PLCB3: variants seen among roughly 807,000 people sequenced by gnomAD.
The protein encoded by PLCB3 is 1-phosphatidylinositol 4,5-bisphosphate phosphodiesterase beta-3.
In PLCB3, 54 loss-of-function variants were observed where a neutral mutation model predicts 152.1. The observed-to-expected ratio is 0.36, with a 90% confidence interval of 0.29 to 0.45. PLCB3 has a LOEUF of 0.45. Ranked by LOEUF, PLCB3 falls within the 20% of genes least tolerant of loss-of-function variation. PLCB3 has a pLI of 1.00. For synonymous variants in PLCB3, 717 were observed against 698.7 expected (o/e 1.03, Z -0.41); for missense variants, 1,248 against 1,687.5 (o/e 0.74, Z 4.56).
At chr11:64,265,582 G>T in intron 25 of PLCB3, 80 bp downstream of exon 25, 1 of 1,488,806 alleles carries the variant, frequency 6.7e-7, no homozygotes, top group South Asian at 1.3e-5. Context: ...ATGGAGAGAT[G>T]GCAAGAGCTG....
rs747174251 is a variant in PLCB3, at chr11:64,256,469, C to G, written c.792C>G (p.Tyr264Ter). ...ACCCGAGACTCAACGAAGTGCTGTA[C>G]CCGCCCCTGCGGCCCTCCCAGGCCC... Reference protein sequence around the residue: ...QRDPRLNEVLYPPLRPSQARL... With the variant: ...QRDPRLNEVL The change falls in exon 9 of 31, where the codon TAC becomes TAG. Residue 264 changes from tyrosine (Y) to a stop codon, truncating the protein, a stop_gained. Transcript: ENST00000279230. LOFTEE classifies it high-confidence loss of function. 3.1e-6 allele frequency: 5 copies of G among 1,613,808 alleles called. No homozygotes were observed. The highest frequency in any genetic ancestry group is 4.2e-6 in the Non-Finnish European group (5 of 1,179,996).
chr11:64,266,198 G>C lies in PLCB3; in HGVS notation c.3262G>C (p.Glu1088Gln), dbSNP rs367729670. ...TQFKRLKEMN[E>Q]REKKELQKIL... is the part of the protein sequence containing the mutation. ...GTTCAAGAGGCTGAAAGAGATGAAC[G>C]AGAGGTGAAAGCCGAGGATTGTCTA... The change falls in exon 27 of 31, where the codon GAG (glutamate) becomes CAG (glutamine). Residue 1088 changes from glutamate to glutamine, a missense_variant. Glu to Gln is a conservative substitution (Grantham distance 29). Around this residue, in one of 6 missense-constraint regions of PLCB3, gnomAD observed 477 missense variants for 489.6 expected, o/e 0.97. Coordinates refer to ENST00000279230, the MANE Select transcript of PLCB3 (RefSeq NM_000932.5). This position sits in a 1 kb window ranked among gnomAD's most constrained non-coding sequence, Gnocchi z 4.9. The C allele has an allele frequency of 6.2e-7, 1 of 1,614,100 alleles. No individual in the cohort carries two copies. The highest frequency in any genetic ancestry group is 1.1e-5 in the South Asian group (1 of 91,074).
intron 1 of PLCB3, 143 bp downstream of exon 1, chr11:64,251,891 C>T: frequency 2.2e-6 from 1 of 447,992 alleles, no homozygotes. Context: ...AAACTTAAGT[C>T]CCCGATCGTC....
Position 64,259,089 on chromosome 11 carries a change from A to G in PLCB3, c.1370A>G (p.Gln457Arg), listed in dbSNP as rs777068333. ...CCAGGCGTTCCCCTGCCCAGCCCCC[A>G]GGACCTGATGGGCCGTATCCTGGTG... is the stretch of plus-strand genomic sequence containing the variant. ...LAPGVPLPSP[Q>R]DLMGRILVKN... Residue 457 changes from glutamine (Q) to arginine (R), a missense_variant, in exon 13 of 31, where the codon CAG becomes CGG. By Grantham distance (43) the Gln-to-Arg change is conservative. Around this residue, in one of 6 missense-constraint regions of PLCB3, gnomAD observed 122 missense variants for 221.8 expected, o/e 0.55. Coordinates refer to ENST00000279230, the MANE Select transcript of PLCB3 (RefSeq NM_000932.5). The G allele has an allele frequency of 1.9e-6, 3 of 1,612,336 alleles. No individual in the cohort carries two copies. Among genetic ancestry groups the G allele is most frequent in the Non-Finnish European group, 2.5e-6 (3 of 1,179,440 alleles).
Position 64,257,016 on chromosome 11 carries a change from T to TTTTTTTTTTTTTTTTTTTTC in PLCB3, c.1012+257_1012+258insTTTTTTTTTTTTTTCTTTTT, listed in dbSNP as rs771872374. ...AGGGTCCTTTTTTTTTTTTTTTTTTTTTTTTGAGACAGAGTTTCGCTCTTG... is the reference window on the plus strand; with the variant it reads ...AGGGTCCTTTTTTTTTTTTTTTTTTTTTTTTTTTTTTTTTTTTTTCTTTTTGAGACAGAGTTTCGCTCTTG... On this transcript the variant is annotated intron_variant, in intron 10 of 30. Transcript: ENST00000279230. Among the ~76,000 whole-genome samples, 391 of 120,598 alleles carry TTTTTTTTTTTTTTTTTTTTC rather than the reference T, an allele frequency of 3.2e-3. 11 individuals carry two copies. Among genetic ancestry groups the TTTTTTTTTTTTTTTTTTTTC allele is most frequent in the Non-Finnish European group, 4.5e-3 (255 of 57,058 alleles). The allele number at this position is 120,598 out of a possible 152,430, so 79.1% of individuals were successfully genotyped here.
chr11:64,254,536 T>TG (rs2031413261), intron 2 of PLCB3, 44 bp downstream of exon 2: 1 of 1,576,926 alleles, frequency 6.3e-7, no homozygotes, highest in African/African-American at 1.3e-5. Flanking sequence ...CAAGGACCCC[T>TG]GTCCCAGACC....
chr11:64,257,352 T>C (rs910686593), intron 10 of PLCB3, among the ~76,000 whole-genome samples: 2 of 152,100 alleles, frequency 1.3e-5, no homozygotes, highest in Non-Finnish European at 2.9e-5. Flanking sequence ...CGGTGACTCA[T>C]GCCTGTAATC....
In PLCB3 at chr11:64,254,827, A is replaced by G; in HGVS notation, c.246+11A>G. On this transcript the variant is annotated intron_variant, in intron 3 of 30. Coordinates refer to ENST00000279230, the MANE Select transcript of PLCB3 (RefSeq NM_000932.5). ...GCCCGCCTGCCCAAGGTGAGTGATG[A>G]GCCTGGGAGTGAAGACCACAGCGAG... The G allele has an allele frequency of 6.2e-7, 1 of 1,613,854 alleles. No homozygotes were observed. The highest frequency in any genetic ancestry group is 8.5e-7 in the Non-Finnish European group (1 of 1,179,972).
Position 64,252,646 on chromosome 11 carries a change from G to C in PLCB3, c.99+898G>C, listed in dbSNP as rs1334199140. On this transcript the variant is annotated intron_variant, in intron 1 of 30. Transcript: ENST00000279230. ...GGCGTGGGAGCTGGGGGGAGGAGAT[G>C]GGGGCGTGGCCTGAAGCGGCAGGTG... Among the ~76,000 whole-genome samples, 5 of 152,314 alleles carry C rather than the reference G, an allele frequency of 3.3e-5. No individual in the cohort carries two copies. The East Asian group carries it at 9.7e-4, about 29-fold the overall frequency.
chr11:64,256,493 C>G lies in PLCB3; in HGVS notation c.816C>G (p.Ala272=), dbSNP rs940746149. ...ACCCGCCCCTGCGGCCCTCCCAGGCCCGGCTGCTCATCGAAAAGTATGAGC... is the reference window on the plus strand; with the variant it reads ...ACCCGCCCCTGCGGCCCTCCCAGGCGCGGCTGCTCATCGAAAAGTATGAGC... The part of the protein sequence containing the change: ...VLYPPLRPSQ[A]RLLIEKYEPN... Residue 272 remains alanine (A), a synonymous_variant, in exon 9 of 31, where the codon GCC becomes GCG. Transcript: ENST00000279230. The G allele has an allele frequency of 6.2e-7, 1 of 1,613,758 alleles. No homozygotes were observed. The highest frequency in any genetic ancestry group is 8.5e-7 in the Non-Finnish European group (1 of 1,180,016).
At chr11:64,252,534 C>T (rs1481144578) in intron 1 of PLCB3, among the ~76,000 whole-genome samples, 2 of 152,250 alleles carry the variant, frequency 1.3e-5, no homozygotes, top group Non-Finnish European at 1.5e-5. Flanking sequence ...ACCCGGCCGG[C>T]CTGAGCTTCC....
chr11:64,264,077 G>T lies in PLCB3; in HGVS notation c.2617G>T (p.Ala873Ser). 1 of 1,558,196 alleles carries T rather than the reference G, an allele frequency of 6.4e-7. No homozygotes were observed. Among genetic ancestry groups the T allele is most frequent in the Non-Finnish European group, 8.7e-7 (1 of 1,153,424 alleles). ...GCACGTCAGCCTGATGGACCAGAGG[G>T]CCCGGCAGCTGGCCGCCCTCATTGG... Reference protein sequence around the residue: ...IKHVSLMDQRARQLAALIGES... With the variant: ...IKHVSLMDQRSRQLAALIGES... Residue 873 changes from alanine to serine, a missense_variant, in exon 22 of 31, where the codon GCC (alanine) becomes TCC (serine). Physicochemically the swap from Ala to Ser is moderately conservative, Grantham distance 99. This residue lies in a region of PLCB3 where 477 missense variants were observed against 489.6 expected (regional missense o/e 0.97). Transcript: ENST00000279230.
Position 64,255,636 on chromosome 11 carries a change from G to A in PLCB3, c.597+20G>A. 6.3e-7 allele frequency: 1 copy of A among 1,583,266 alleles called. No individual in the cohort carries two copies. The highest frequency in any genetic ancestry group is 8.7e-7 in the Non-Finnish European group (1 of 1,153,660). ...AACCGGGTGTGTGGGGTGGGGACAGGGGCGGGGTGGGGTGTCACGGTGGGC... is the reference window on the plus strand; with the variant it reads ...AACCGGGTGTGTGGGGTGGGGACAGAGGCGGGGTGGGGTGTCACGGTGGGC... On this transcript the variant is annotated intron_variant, in intron 7 of 30. Coordinates refer to ENST00000279230, the MANE Select transcript of PLCB3 (RefSeq NM_000932.5). This position sits in a 1 kb window ranked among gnomAD's most constrained non-coding sequence, Gnocchi z 6.8.
At chr11:64,260,709 G>A (rs1392941260) in intron 14 of PLCB3, among the ~76,000 whole-genome samples, 1 of 139,904 alleles carries the variant, frequency 7.1e-6, no homozygotes, top group South Asian at 2.2e-4. Context: ...GGAGGTGGAG[G>A]TTGCAGTGAG....
chr11:64,251,679 G>C lies in PLCB3; in HGVS notation c.30G>C (p.Ala10=). The change falls in exon 1 of 31, where the codon GCG becomes GCC. Residue 10 remains alanine, a synonymous_variant. Coordinates refer to ENST00000279230, the MANE Select transcript of PLCB3 (RefSeq NM_000932.5). ...CGGGCGCCCAGCCCGGCGTCCACGC[G>C]CTGCAGTTGGAGCCGCCCACCGTGG... MAGAQPGVH[A]LQLEPPTVVE... is the part of the protein sequence containing the mutation. 6.8e-7 allele frequency: 1 copy of C among 1,474,564 alleles called. No homozygotes were observed. The allele number at this position is 1,474,564 out of a possible 1,614,324, so 91.3% of individuals were successfully genotyped here.
At chr11:64,254,869 CT>C in intron 3 of PLCB3, 28 bp from the exon 4 acceptor site, 1 of 1,613,252 alleles carries the variant, frequency 6.2e-7, no homozygotes, top group Non-Finnish European at 8.5e-7. Flanking sequence ...CGGGAGCCCC[CT>C]CTTCACCCTT....
In PLCB3 at chr11:64,258,331, G is replaced by A. The variant is rs2031649658; in HGVS notation, c.1013-142G>A. 7.7e-6 allele frequency: 7 copies of A among 905,844 alleles called. No homozygotes were observed. The highest frequency in any genetic ancestry group is 1.6e-6 in the Non-Finnish European group (1 of 610,946). 56.1% of individuals were successfully genotyped at this position (905,844 alleles called of 1,614,324 possible). ...GGGATGACTCCCCCCAGCTCACGCT[G>A]GTGGGATGGACAGGTGGTGGGTATC... On this transcript the variant is annotated intron_variant, in intron 10 of 30. Transcript: ENST00000279230. The surrounding 1 kb of genome is among the most constrained non-coding windows in gnomAD (Gnocchi z 7.2).
rs1347231387 is a variant in PLCB3 at position 64,260,211 on chromosome 11, C to T, written c.1708C>T (p.Pro570Ser). The T allele has an allele frequency of 6.4e-7, 1 of 1,571,176 alleles. No individual in the cohort carries two copies. The highest frequency in any genetic ancestry group is 8.6e-7 in the Non-Finnish European group (1 of 1,157,714). The change falls in exon 14 of 31, where the codon CCC becomes TCC. Residue 570 changes from proline to serine, a missense_variant. Pro to Ser is a moderately conservative substitution (Grantham distance 74). Transcript: ENST00000279230. ...EDEEEEEQTD[P>S]KKPTTDEGTA... ...TGAGGAAGAGGAGGAACAGACAGACCCCAAAAAGCCAACTACAGATGAGGT... is the reference window on the plus strand; with the variant it reads ...TGAGGAAGAGGAGGAACAGACAGACTCCAAAAAGCCAACTACAGATGAGGT...
rs1398359763 is a variant in PLCB3, at chr11:64,262,468, C to G, written c.2100C>G (p.Leu700=). 1.9e-6 allele frequency: 3 copies of G among 1,613,976 alleles called. No homozygotes were observed. Among genetic ancestry groups the G allele is most frequent in the African/African-American group, 2.7e-5 (2 of 75,072 alleles). ...ACAACGGGCGCAGCGGGTACCTGCT[C>G]AAGCCGGAGTTCATGCGGCGGCCGG... The part of the protein sequence containing the change: ...FEYNGRSGYL[L]KPEFMRRPDK... Residue 700 remains leucine (L), a synonymous_variant, in exon 18 of 31, where the codon CTC becomes CTG. Transcript: ENST00000279230.
Sources: gnomAD v4.1 joint callset for allele counts (sites outside exome capture counted in the v4.1 genomes callset) on GRCh38, gnomAD v4.1.1 for gene constraint, gnomAD v4.1.1 regional missense constraint, Gnocchi (gnomAD v3.1) non-coding constraint, MANE v1.5 for transcripts, NCBI Gene and HGNC (gene_info 2026-07-23, HGNC 2026-07-21) for gene names.